The following SUMF1 variants were observed in gnomAD, a reference collection of about 807,000 sequenced individuals.
SUMF1 encodes the protein sulfatase modifying factor 1.
Under a neutral mutation model 47.6 loss-of-function variants are expected in SUMF1, and 48 were observed. The observed-to-expected ratio is 1.01, with a 90% CI of 0.80 to 1.28. The LOEUF (loss-of-function observed/expected upper bound fraction) is 1.28, where lower values mean the gene tolerates loss of function less well. SUMF1 is among the 50% of genes most tolerant of loss of function. The probability of loss-of-function intolerance (pLI) is 0.00; values close to 1 mark genes in which losing one functional copy is unlikely to be tolerated. For synonymous variants in SUMF1, 230 were observed against 192.1 expected (o/e 1.20, Z -1.63); for missense variants, 571 against 485.4 (o/e 1.18, Z -1.66).
At chr3:4,132,044 T>C (rs1693803964) in intron 8 of SUMF1, among the ~76,000 whole-genome samples, 1 of 152,110 alleles carries the variant, frequency 6.6e-6, no homozygotes, top group Non-Finnish European at 1.5e-5. Flanking sequence ...TTCCTCAGGG[T>C]GATCAGCCAG....
intron 9 of SUMF1, among the ~76,000 whole-genome samples, chr3:4,064,253 T>C (rs900544639): frequency 1.7e-4 from 26 of 152,258 alleles, no homozygotes; most frequent in African/African-American, 5.8e-4. Flanking sequence ...AAAACCAAGA[T>C]GGCAATGAAG....
chr3:4,231,986 G>C (rs1290287473), intron 8 of SUMF1, among the ~76,000 whole-genome samples: 1 of 152,140 alleles, frequency 6.6e-6, no homozygotes, highest in Non-Finnish European at 1.5e-5. Context: ...GTATTGAAGA[G>C]AATTATTTTA....
chr3:4,188,714 C>T (rs1014749961), intron 8 of SUMF1, among the ~76,000 whole-genome samples: 2 of 152,104 alleles, frequency 1.3e-5, no homozygotes, highest in Non-Finnish European at 2.9e-5. Context: ...TGCTTAACCT[C>T]TGTGAGCCTC....
At chr3:4,159,247 T>C (rs1441728442) in intron 8 of SUMF1, among the ~76,000 whole-genome samples, 1 of 149,740 alleles carries the variant, frequency 6.7e-6, no homozygotes, top group African/African-American at 2.5e-5. Flanking sequence ...GTCTTCCTTT[T>C]AGTGAAGGTG....
chr3:4,276,765 G>A (rs1697428830), intron 8 of SUMF1, among the ~76,000 whole-genome samples: 1 of 152,118 alleles, frequency 6.6e-6, no homozygotes. Flanking sequence ...TGCCTGTAAT[G>A]TATGTCTTTC....
At chr3:4,261,207 T>C (rs1257364661) in intron 8 of SUMF1, among the ~76,000 whole-genome samples, 5 of 152,170 alleles carry the variant, frequency 3.3e-5, no homozygotes, top group African/African-American at 1.2e-4. Context: ...TGTGTTTGCT[T>C]TATGTAATTT....
downstream of SUMF1, among the ~76,000 whole-genome samples, chr3:4,360,478 A>T (rs1307923328): frequency 1.3e-5 from 2 of 152,012 alleles, no homozygotes; most frequent in African/African-American, 4.8e-5. Flanking sequence ...GGCAAGTGTC[A>T]CCACTCCTGG....
At chr3:4,326,271 T>C (rs1015648843) in intron 8 of SUMF1, among the ~76,000 whole-genome samples, 1 of 152,196 alleles carries the variant, frequency 6.6e-6, no homozygotes, top group Non-Finnish European at 1.5e-5. Flanking sequence ...TATTGGCCAA[T>C]AGGCTTTTTT....
intron 1 of SUMF1, among the ~76,000 whole-genome samples, chr3:4,456,973 TGTGTGTATATATATATAC>T (rs1199572149): frequency 1.4e-5 from 2 of 143,594 alleles, no homozygotes; most frequent in African/African-American, 2.6e-5. Flanking sequence ...TATATATACG[TGTGTGTATATATATATAC>T]GTGTGTGTAT....
rs147794212 is a variant in SUMF1 at position 4,310,984 on chromosome 3, C to T, written c.1014+65346G>A. Reference sequence around the variant, plus strand: ...AGTAGATTCTCTATAAAACAGCAGTCGTTGAGTTTGACTGATAGAGCATCA... The same window carrying T: ...AGTAGATTCTCTATAAAACAGCAGTTGTTGAGTTTGACTGATAGAGCATCA... On this transcript the variant is annotated intron_variant and NMD_transcript_variant, in intron 8 of 12. Transcript: ENST00000448413. Among the ~76,000 whole-genome samples, 707 of 152,314 alleles carry T rather than the reference C, an allele frequency of 4.6e-3. 4 individuals are homozygous for T. The highest frequency in any genetic ancestry group is 0.01 in the Middle Eastern group (3 of 294).
chr3:4,197,737 T>C (rs552401703), intron 8 of SUMF1, among the ~76,000 whole-genome samples: 1 of 152,234 alleles, frequency 6.6e-6, no homozygotes, highest in Admixed American at 6.5e-5. Context: ...TCAGTAAACA[T>C]TTATGTCAAA....
At chr3:4,153,249 G>A (rs1254671771) in intron 8 of SUMF1, among the ~76,000 whole-genome samples, 1 of 151,424 alleles carries the variant, frequency 6.6e-6, no homozygotes, top group Non-Finnish European at 1.5e-5. Context: ...ATGTAACTCT[G>A]TTGCCCAGGC....
At chr3:4,215,128 C>G (rs918900158) in intron 8 of SUMF1, among the ~76,000 whole-genome samples, 1 of 152,294 alleles carries the variant, frequency 6.6e-6, no homozygotes, top group South Asian at 2.1e-4. Flanking sequence ...CCCTGACGAA[C>G]ATCGATGCAA....
chr3:4,146,510 G>C lies in SUMF1; in HGVS notation c.1015-77765C>G, dbSNP rs571293847. 4.6e-5 allele frequency among the ~76,000 whole-genome samples: 7 copies of C among 152,110 alleles called. No individual in the cohort carries two copies. The East Asian group carries it at 1.4e-3, about 29-fold the overall frequency. ...GTAGAACAAAAAGTCGGTAGTTATA[G>C]ATAGCACCAAGACTCTTGGAATTTC... On this transcript the variant is annotated intron_variant and NMD_transcript_variant, in intron 8 of 12. Transcript: ENST00000448413.
At chr3:4,226,264 CTTTTTT>C (rs869300368) in intron 8 of SUMF1, among the ~76,000 whole-genome samples, 28 of 86,966 alleles carry the variant, frequency 3.2e-4, no homozygotes, top group East Asian at 8.1e-4. Context: ...TTTTTTGTTT[CTTTTTT>C]TTTTTTTTTT....
chr3:4,330,520 C>G (rs965972591), intron 8 of SUMF1, among the ~76,000 whole-genome samples: 1 of 152,170 alleles, frequency 6.6e-6, no homozygotes, highest in Non-Finnish European at 1.5e-5. Context: ...TCTCACGAGA[C>G]TTATTCATTG....
chr3:4,435,521 A>G (rs754316083), intron 3 of SUMF1, among the ~76,000 whole-genome samples: 3 of 152,184 alleles, frequency 2.0e-5, no homozygotes, highest in Non-Finnish European at 4.4e-5. Context: ...TATGATTAAA[A>G]ACATAAATGG....
intron 8 of SUMF1, among the ~76,000 whole-genome samples, chr3:4,244,013 T>G (rs933541266): frequency 2.0e-5 from 3 of 152,192 alleles, no homozygotes; most frequent in Non-Finnish European, 2.9e-5. Context: ...CATTATGTAA[T>G]GGCCTTCTTT....
intron 8 of SUMF1, among the ~76,000 whole-genome samples, chr3:4,079,383 T>G (rs569941585): frequency 6.6e-6 from 1 of 152,074 alleles, no homozygotes; most frequent in East Asian, 1.9e-4. Flanking sequence ...TGGAGTGACA[T>G]GAGAAGGGTT....
Sources: allele counts gnomAD v4.1 joint callset (sites outside exome capture counted in the v4.1 genomes callset), GRCh38; gene constraint gnomAD v4.1.1; transcripts MANE v1.5; gene names NCBI Gene and HGNC (gene_info 2026-07-23, HGNC 2026-07-21).